LYZL2: variants seen among roughly 807,000 people sequenced by gnomAD.
LYZL2 encodes the protein lysozyme-like protein 2.
A neutral mutation model predicts 17.1 loss-of-function variants in LYZL2; 13 were observed. The ratio of observed to expected loss-of-function variants is 0.76; its 90% CI spans 0.49 to 1.21. The LOEUF (loss-of-function observed/expected upper bound fraction) is 1.21. Among genes scored for constraint, LYZL2 ranks in the 50% most tolerant of loss-of-function variants. The probability of loss-of-function intolerance (pLI) is 0.00; values close to 1 mark genes in which losing one functional copy is unlikely to be tolerated. For synonymous variants in LYZL2, 63 were observed against 74.4 expected (o/e 0.85, Z 0.79); for missense variants, 166 against 189.2 (o/e 0.88, Z 0.72).
chr10:30,611,570 G>GGAAAGAAAGAAAGAAAGAAA (rs71023593), downstream of LYZL2, among the ~76,000 whole-genome samples: 15 of 54,122 alleles, frequency 2.8e-4, no homozygotes, highest in Middle Eastern at 0.01. Context: ...AAGGAAGGAA[G>GGAAAGAAAGAAAGAAAGAAA]GAAAGAAAGA....
chr10:30,627,702 C>T (rs1451582448), intron 1 of LYZL2, among the ~76,000 whole-genome samples: 6 of 152,094 alleles, frequency 3.9e-5, no homozygotes, highest in Non-Finnish European at 5.9e-5. Flanking sequence ...GGCTATTAGT[C>T]GTTAAGCTTC....
chr10:30,620,422 T>C (rs1050548002), intron 3 of LYZL2, among the ~76,000 whole-genome samples: 1 of 152,226 alleles, frequency 6.6e-6, no homozygotes, highest in Non-Finnish European at 1.5e-5. Flanking sequence ...TATCTTCCTC[T>C]CTCAGGGTGT....
downstream of LYZL2, among the ~76,000 whole-genome samples, chr10:30,607,171 C>A (rs55977720): frequency 6.7e-4 from 18 of 26,834 alleles, no homozygotes; most frequent in Non-Finnish European, 6.7e-4. Flanking sequence ...CTTGGCCTCC[C>A]AAAGTGCTGG....
At position 30,623,668 on chromosome 10, in the gene LYZL2, C is replaced by A. The variant is rs145933031; in HGVS notation, c.298+2437G>T. On this transcript the variant is annotated intron_variant, in intron 3 of 4. Transcript: ENST00000647634. ...GATGATCCGTCACTGTCTCCCATCACCCCCAGATGGGACTGTCTAGTTGCA... is the reference window on the plus strand; with the variant it reads ...GATGATCCGTCACTGTCTCCCATCAACCCCAGATGGGACTGTCTAGTTGCA... Among the ~76,000 whole-genome samples, 1,512 of 152,328 alleles carry A rather than the reference C, an allele frequency of 9.9e-3. 39 individuals are homozygous for A. The highest frequency in any genetic ancestry group is 0.087 in the South Asian group (422 of 4,826).
At chr10:30,609,378 TA>T (rs1236873542), downstream of LYZL2, among the ~76,000 whole-genome samples, 1 of 152,092 alleles carries the variant, frequency 6.6e-6, no homozygotes, top group Non-Finnish European at 1.5e-5. Context: ...GAACAGGCTT[TA>T]GGGGAGAAGC....
Position 30,611,825 on chromosome 10 carries a change from T to G in LYZL2, c.*130A>C, listed in dbSNP as rs1368673712. The stretch of plus-strand genomic sequence containing the variant: ...GGAAATATTTATTTTCTTAAAAGTA[T>G]AGCTTAATTTTCCCTCTCCAAGTTT... On this transcript the variant is annotated 3_prime_UTR_variant, in exon 5 of 5. Coordinates refer to ENST00000647634, the MANE Select transcript of LYZL2 (RefSeq NM_183058.3). 6.7e-7 allele frequency: 1 copy of G among 1,496,006 alleles called. No homozygotes were observed. The highest frequency in any genetic ancestry group is 9.1e-7 in the Non-Finnish European group (1 of 1,099,208). 92.7% of individuals were successfully genotyped at this position (1,496,006 alleles called of 1,614,324 possible). A position where few individuals can be genotyped will look rare whatever the true frequency, so the allele number is the denominator to read the frequency against.
At chr10:30,617,813 A>G (rs1433270521) in intron 3 of LYZL2, among the ~76,000 whole-genome samples, 2 of 152,080 alleles carry the variant, frequency 1.3e-5, no homozygotes, top group Non-Finnish European at 2.9e-5. Context: ...TAGTGTTGGA[A>G]GTTCTGGCCA....
intron 1 of LYZL2, among the ~76,000 whole-genome samples, chr10:30,627,862 T>C (rs537199779): frequency 6.6e-6 from 1 of 152,286 alleles, no homozygotes; most frequent in South Asian, 2.1e-4. Flanking sequence ...TGGAAAACTT[T>C]AAGATTCATC....
intron 4 of LYZL2, 130 bp from the exon 5 acceptor site, chr10:30,612,154 A>T: frequency 9.1e-7 from 1 of 1,104,636 alleles, no homozygotes; most frequent in Non-Finnish European, 1.3e-6. Context: ...TGCTTCTGAG[A>T]TCAAAGGACG....
intron 3 of LYZL2, among the ~76,000 whole-genome samples, chr10:30,617,633 C>A (rs1479723188): frequency 1.4e-4 from 18 of 124,930 alleles, no homozygotes; most frequent in African/African-American, 5.4e-4. Flanking sequence ...CGAGATCGTG[C>A]CACTGCACTT....
At chr10:30,606,351 CTT>C in the LYZL2 span, among the ~76,000 whole-genome samples, 21 of 131,800 alleles carry the variant, frequency 1.6e-4, no homozygotes, top group Admixed American at 3.9e-4. Context: ...ATAATAATTA[CTT>C]TTTTTTTTTT....
rs1180082178 is a variant in LYZL2, at chr10:30,621,403, G to T, written c.298+4702C>A. On this transcript the variant is annotated intron_variant, in intron 3 of 4. Transcript: ENST00000647634. ...GAGACCAGCGTGGGTAACATGACGAGACCCCATCTCCACAATTTTTTTTTT... is the reference window on the plus strand; with the variant it reads ...GAGACCAGCGTGGGTAACATGACGATACCCCATCTCCACAATTTTTTTTTT... Among the ~76,000 whole-genome samples, 8 of 150,304 alleles carry T rather than the reference G, an allele frequency of 5.3e-5. No homozygotes were observed. The South Asian group carries it at 1.7e-3, about 33-fold the overall frequency.
Position 30,627,766 on chromosome 10 carries a change from G to A in LYZL2, c.-25-826C>T, listed in dbSNP as rs1017739316. Among the ~76,000 whole-genome samples the A allele has an allele frequency of 2.6e-5, 4 of 152,092 alleles. No individual in the cohort carries two copies. The South Asian group carries it at 6.2e-4, about 24-fold the overall frequency. On this transcript the variant is annotated intron_variant, in intron 1 of 4. Transcript: ENST00000647634. ...TCAACTGAGCAGGCATTGGCACCCC[G>A]ACCCCTACATTTGTTCAAGGATCAA...
chr10:30,613,147 G>A (rs893890481), intron 3 of LYZL2, among the ~76,000 whole-genome samples: 5 of 152,144 alleles, frequency 3.3e-5, no homozygotes, highest in Non-Finnish European at 7.3e-5. Context: ...AATCCTGAAG[G>A]GTTTTTGGAA....
intron 3 of LYZL2, 71 bp from the exon 4 acceptor site, chr10:30,612,971 T>C: frequency 1.7e-6 from 2 of 1,191,606 alleles, no homozygotes; most frequent in South Asian, 2.6e-5. Flanking sequence ...TCAAGTTTAC[T>C]TCATTTTTCT....
At chr10:30,622,520 G>A (rs939447643) in intron 3 of LYZL2, among the ~76,000 whole-genome samples, 12 of 151,856 alleles carry the variant, frequency 7.9e-5, no homozygotes, top group African/African-American at 2.9e-4. Context: ...CTGTACTCCA[G>A]CCTGGGCGAC....
Position 30,626,257 on chromosome 10 carries a change from C to T in LYZL2, c.146G>A (p.Cys49Tyr), listed in dbSNP as rs1838704473. ...GTAGCCGCTCTCATAATACGCCATGCAGATCCCTGGAGGGGGGAAAGCCAG... is the reference window on the plus strand; with the variant it reads ...GTAGCCGCTCTCATAATACGCCATGTAGATCCCTGGAGGGGGGAAAGCCAG... ...YWGFSLGNWI[C>Y]MAYYESGYNT... The change falls in exon 3 of 5, where the codon TGC becomes TAC. Residue 49 changes from cysteine (C) to tyrosine (Y), a missense_variant. Physicochemically the swap from Cys to Tyr is radical, Grantham distance 194. Coordinates refer to ENST00000647634, the MANE Select transcript of LYZL2 (RefSeq NM_183058.3). 6.2e-7 allele frequency: 1 copy of T among 1,613,972 alleles called. No individual in the cohort carries two copies.
chr10:30,623,783 T>C (rs1231401459), intron 3 of LYZL2, among the ~76,000 whole-genome samples: 1 of 152,192 alleles, frequency 6.6e-6, no homozygotes, highest in African/African-American at 2.4e-5. Flanking sequence ...ATAATAGAAA[T>C]AAAGTGGACA....
intron 1 of LYZL2, among the ~76,000 whole-genome samples, chr10:30,628,272 G>A (rs1838752060): frequency 6.6e-6 from 1 of 152,128 alleles, no homozygotes; most frequent in Admixed American, 6.5e-5. Flanking sequence ...TGCTTCCAAA[G>A]TACTAGTGTT....
Sources: allele counts gnomAD v4.1 joint callset (sites outside exome capture counted in the v4.1 genomes callset), GRCh38; gene constraint gnomAD v4.1.1; transcripts MANE v1.5; gene names NCBI Gene and HGNC (gene_info 2026-07-23, HGNC 2026-07-21).